The following TTC21A variants were observed in gnomAD, a reference collection of about 807,000 sequenced individuals.
TTC21A encodes tetratricopeptide repeat protein 21A.
A neutral mutation model predicts 156.4 loss-of-function variants in TTC21A; 128 were observed. The ratio of observed to expected loss-of-function variants is 0.82; its 90% confidence interval spans 0.71 to 0.95. TTC21A has a LOEUF of 0.95. TTC21A is among the 40% of genes least tolerant of loss of function. TTC21A has a pLI of 0.00. For missense variants in TTC21A, 1,435 were observed against 1,602.3 expected (o/e 0.90, Z 1.78); for synonymous variants, 587 against 617.1 (o/e 0.95, Z 0.72).
At chr3:39,131,726 C>A (rs1233965337) in intron 19 of TTC21A, 1 of 152,204 alleles carries the variant, frequency 6.6e-6, no homozygotes, top group African/African-American at 2.4e-5. Context: ...CGGGGGGTGC[C>A]GAGCATGCTA....
chr3:39,112,643 A>C (rs2036931744), intron 5 of TTC21A, 63 bp downstream of exon 5: 1 of 1,594,406 alleles, frequency 6.3e-7, no homozygotes, highest in Non-Finnish European at 8.5e-7. Context: ...CCAGAGACCC[A>C]CCAGGTACCC....
intron 22 of TTC21A, 151 bp downstream of exon 22, chr3:39,135,325 AC>A (rs1208090042): frequency 1.4e-6 from 1 of 709,374 alleles, no homozygotes; most frequent in Non-Finnish European, 2.4e-6. Flanking sequence ...ACTGATAAAG[AC>A]CCAGTGGAAC....
At chr3:39,110,789 T>C (rs2036754611) in intron 3 of TTC21A, 62 bp from the exon 4 acceptor site, 1 of 1,599,828 alleles carries the variant, frequency 6.3e-7, no homozygotes, top group Non-Finnish European at 8.5e-7. Flanking sequence ...CGGTGGCCCA[T>C]GCAGAACCAG....
At chr3:39,129,373 T>C in intron 15 of TTC21A, 63 bp downstream of exon 15, 1 of 1,261,576 alleles carries the variant, frequency 7.9e-7, no homozygotes, top group Non-Finnish European at 1.2e-6. Flanking sequence ...GAGTGTTTCC[T>C]TCAGATGGTA....
At chr3:39,129,833 G>T (rs972997869) in intron 15 of TTC21A, among the ~76,000 whole-genome samples, 14 of 152,204 alleles carry the variant, frequency 9.2e-5, no homozygotes, top group African/African-American at 3.4e-4. Context: ...GGATCTGGAG[G>T]GATAGCAGGT....
intron 23 of TTC21A, 152 bp from the exon 24 acceptor site, chr3:39,136,747 A>T: frequency 9.3e-7 from 1 of 1,072,812 alleles, no homozygotes; most frequent in Non-Finnish European, 1.3e-6. Context: ...CATCCAACAC[A>T]CAGGTCCGAC....
Position 39,138,830 on chromosome 3 carries a change from C to G in TTC21A, c.*42C>G. 1 of 1,565,764 alleles carries G rather than the reference C, an allele frequency of 6.4e-7. No homozygotes were observed. The highest frequency in any genetic ancestry group is 8.8e-7 in the Non-Finnish European group (1 of 1,140,014). ...TGGACCAGTAGAAGCCATCAACCTA[C>G]TGAAGTTGTGTGGAGGGATGGAAAG... On this transcript the variant is annotated 3_prime_UTR_variant, in exon 29 of 29. Transcript: ENST00000683103.
At chr3:39,135,579 G>C (rs1322776048) in intron 22 of TTC21A, among the ~76,000 whole-genome samples, 1 of 152,230 alleles carries the variant, frequency 6.6e-6, no homozygotes, top group African/African-American at 2.4e-5. Flanking sequence ...GCTCAGGTTG[G>C]AGCCCTGGCA....
At chr3:39,121,831 C>G (rs1157201371) in intron 9 of TTC21A, among the ~76,000 whole-genome samples, 1 of 152,138 alleles carries the variant, frequency 6.6e-6, no homozygotes, top group East Asian at 1.9e-4. Flanking sequence ...CTTGCCCTGG[C>G]TCTGAGGGGC....
chr3:39,121,007 A>G lies in TTC21A; in HGVS notation c.911A>G (p.His304Arg). 6.2e-7 allele frequency: 1 copy of G among 1,607,056 alleles called. No homozygotes were observed. Among genetic ancestry groups the G allele is most frequent in the Middle Eastern group, 1.7e-4 (1 of 6,026 alleles). Residue 304 changes from histidine to arginine, a missense_variant, in exon 9 of 29, where the codon CAC (histidine) becomes CGC (arginine). Transcript: ENST00000683103. ...TCCTGTTTCTTGCAGTGTGGGAGTC[A>G]CCAGGTGATTCTAGGGCTAGTGTGT... ...IIVVSRLCGS[H>R]QVILGLVCSF...
At chr3:39,107,963 C>T (rs1476624806) in intron 1 of TTC21A, 99 bp downstream of exon 1, 38 of 1,467,312 alleles carry the variant, frequency 2.6e-5, no homozygotes, top group Non-Finnish European at 3.5e-5. Flanking sequence ...CTTCGCTGTC[C>T]TCAGTTATAT....
chr3:39,129,329 A>G lies in TTC21A; in HGVS notation c.2135+19A>G, dbSNP rs768799372. The G allele has an allele frequency of 1.3e-6, 2 of 1,562,200 alleles. No homozygotes were observed. Among genetic ancestry groups the G allele is most frequent in the Admixed American group, 3.3e-5 (2 of 59,902 alleles). ...GCTACCGGTAAGCCCCACAGGCAGC[A>G]CAATGACAGCTTCTTCTCCAATGGT... On this transcript the variant is annotated intron_variant, in intron 15 of 28. Transcript: ENST00000683103.
At chr3:39,124,057 A>G (rs784511) in intron 9 of TTC21A, among the ~76,000 whole-genome samples, 82,621 of 152,112 alleles carry the variant, frequency 0.54, 25,484 homozygotes, top group East Asian at 0.72. Flanking sequence ...TGATAGTAAT[A>G]TAAGTTCAAG....
Position 39,130,522 on chromosome 3 carries a change from T to G in TTC21A, c.2319+164T>G, listed in dbSNP as rs1308334688. 1.0e-6 allele frequency: 1 copy of G among 978,130 alleles called. No homozygotes were observed. The highest frequency in any genetic ancestry group is 1.5e-6 in the Non-Finnish European group (1 of 654,124). 60.6% of individuals were successfully genotyped at this position (978,130 alleles called of 1,614,324 possible). On this transcript the variant is annotated intron_variant, in intron 17 of 28. Coordinates refer to ENST00000683103, the MANE Select transcript of TTC21A (RefSeq NM_001366900.1). This position sits in a 1 kb window ranked among gnomAD's most constrained non-coding sequence, Gnocchi z 4.5. ...AGGGGAGAACTCAGCAACTCTCTGCTGCTGACCACACCTGCTTAAGCTGAG... is the reference window on the plus strand; with the variant it reads ...AGGGGAGAACTCAGCAACTCTCTGCGGCTGACCACACCTGCTTAAGCTGAG...
rs1237050715 is a variant in TTC21A, at chr3:39,138,775, C to T, written c.3929C>T (p.Ser1310Phe). 1.9e-6 allele frequency: 3 copies of T among 1,613,978 alleles called. No individual in the cohort carries two copies. The African/African-American group carries it at 4.0e-5, about 22-fold the overall frequency. Residue 1310 changes from serine (S) to phenylalanine (F), a missense_variant, in exon 29 of 29, where the codon TCC becomes TTC. Coordinates refer to ENST00000683103, the MANE Select transcript of TTC21A (RefSeq NM_001366900.1). ...REEILEKARR[S>F]LRP The stretch of plus-strand genomic sequence containing the variant: ...GAAATTTTGGAAAAGGCCCGAAGGT[C>T]CCTGAGGCCCTAGCTGGGGTCAAGG...
intron 15 of TTC21A, 113 bp from the exon 16 acceptor site, chr3:39,129,966 G>GATGA: frequency 9.1e-7 from 1 of 1,093,784 alleles, no homozygotes; most frequent in Non-Finnish European, 1.4e-6. Context: ...AATATTGATT[G>GATGA]ATGAATGAAT....
intron 19 of TTC21A, chr3:39,132,685 A>G: frequency 4.0e-6 from 1 of 248,718 alleles, no homozygotes; most frequent in Non-Finnish European, 7.7e-6. Flanking sequence ...CCCAGCAGGG[A>G]GGCATACAGA....
intron 7 of TTC21A, chr3:39,118,419 C>G: frequency 1.9e-6 from 1 of 538,264 alleles, no homozygotes; most frequent in Non-Finnish European, 3.3e-6. Flanking sequence ...GGGCAGGTGT[C>G]CCCACCTGGA....
chr3:39,138,637 CT>C lies in TTC21A; in HGVS notation c.3864+16del. On this transcript the variant is annotated intron_variant, in intron 28 of 28. Transcript: ENST00000683103. ...ATCTGCAACGATGTAAGCCAGCAGCCTTGGTGGGGAGGGCCTGGTGTAGTGG... is the reference window on the plus strand; with the variant it reads ...ATCTGCAACGATGTAAGCCAGCAGCCTGGTGGGGAGGGCCTGGTGTAGTGG... 1 of 1,614,182 alleles carries C rather than the reference CT, an allele frequency of 6.2e-7. No individual in the cohort carries two copies. The highest frequency in any genetic ancestry group is 2.2e-5 in the East Asian group (1 of 44,884).
Sources: allele counts gnomAD v4.1 joint callset (sites outside exome capture counted in the v4.1 genomes callset), GRCh38; gene constraint gnomAD v4.1.1; non-coding constraint Gnocchi (gnomAD v3.1); transcripts MANE v1.5; gene names NCBI Gene and HGNC (gene_info 2026-07-23, HGNC 2026-07-21).